Variants in CAMTA1 observed in about 807,000 individuals in gnomAD.
CAMTA1 encodes calmodulin binding transcription activator 1.
CAMTA1 carries 27 observed loss-of-function variants against 170.9 expected under a neutral mutation model. The ratio of observed to expected loss-of-function variants is 0.16; its 90% CI spans 0.12 to 0.22. The LOEUF (loss-of-function observed/expected upper bound fraction) is 0.22. Ranked by LOEUF, CAMTA1 falls within the 10% of genes least tolerant of loss-of-function variation. The pLI is 1.00. For synonymous variants in CAMTA1, 833 were observed against 891.5 expected (o/e 0.93, Z 1.17); for missense variants, 1,619 against 2,217.2 (o/e 0.73, Z 5.42).
rs1259536017 is a variant in CAMTA1, at chr1:7,532,439, G to A, written c.510+64538G>A. On this transcript the variant is annotated intron_variant, in intron 6 of 22. Transcript: ENST00000303635. This position sits in a 1 kb window ranked among gnomAD's most constrained non-coding sequence, Gnocchi z 4.2. The stretch of plus-strand genomic sequence containing the variant: ...GCCTCCCAAGTATCTGGGACTACAG[G>A]CACACACCCCTGTGCCCAGCTAATT... 6.6e-6 allele frequency among the ~76,000 whole-genome samples: 1 copy of A among 151,952 alleles called. No individual in the cohort carries two copies. Among genetic ancestry groups the A allele is most frequent in the Non-Finnish European group, 1.5e-5 (1 of 68,012 alleles).
intron 6 of CAMTA1, among the ~76,000 whole-genome samples, chr1:7,604,464 G>A (rs1237270190): frequency 6.6e-6 from 1 of 152,076 alleles, no homozygotes; most frequent in Non-Finnish European, 1.5e-5. Context: ...TCTTCCAGTT[G>A]ATCGAATCAG....
chr1:7,354,538 G>A (rs1371386229), intron 5 of CAMTA1, among the ~76,000 whole-genome samples: 2 of 152,222 alleles, frequency 1.3e-5, no homozygotes, highest in East Asian at 3.8e-4. Flanking sequence ...CAATGAACAT[G>A]TGTCTTTGCG....
chr1:7,079,697 T>C (rs930913277), intron 3 of CAMTA1, among the ~76,000 whole-genome samples: 1 of 151,590 alleles, frequency 6.6e-6, no homozygotes, highest in Non-Finnish European at 1.5e-5. Flanking sequence ...GGTCTCAAAC[T>C]CCTAACCTCA....
At chr1:6,855,552 C>T (rs761502693) in intron 3 of CAMTA1, among the ~76,000 whole-genome samples, 4 of 151,824 alleles carry the variant, frequency 2.6e-5, no homozygotes, top group African/African-American at 4.8e-5. Context: ...ACCAAAGGGA[C>T]GGTGCTAAGC....
intron 6 of CAMTA1, among the ~76,000 whole-genome samples, chr1:7,493,068 C>CACAA (rs1557806648): frequency 1.7e-5 from 2 of 119,542 alleles, no homozygotes; most frequent in East Asian, 2.2e-4. Context: ...CGCGCGCACA[C>CACAA]ACACAGACAT....
At chr1:7,572,515 T>A (rs750217164) in intron 6 of CAMTA1, among the ~76,000 whole-genome samples, 6 of 152,358 alleles carry the variant, frequency 3.9e-5, no homozygotes, top group African/African-American at 9.6e-5. Flanking sequence ...TTGATTTTTT[T>A]ATATGATATA....
intron 3 of CAMTA1, among the ~76,000 whole-genome samples, chr1:6,868,283 T>C (rs1667295012): frequency 6.8e-6 from 1 of 146,700 alleles, no homozygotes; most frequent in African/African-American, 2.5e-5. Flanking sequence ...CACTCTAGCC[T>C]GGGTGACAGA....
intron 5 of CAMTA1, among the ~76,000 whole-genome samples, chr1:7,275,888 G>A (rs2149427668): frequency 6.6e-6 from 1 of 152,118 alleles, no homozygotes; most frequent in Non-Finnish European, 1.5e-5. Flanking sequence ...CACTTGTCAG[G>A]TCATTTTATG....
At chr1:6,988,275 C>G (rs1444969902) in intron 3 of CAMTA1, among the ~76,000 whole-genome samples, 6 of 152,118 alleles carry the variant, frequency 3.9e-5, no homozygotes, top group African/African-American at 1.4e-4. Context: ...GGGCTTCCTT[C>G]CACTGCACAG....
chr1:7,124,546 C>T (rs1305661274), intron 4 of CAMTA1, among the ~76,000 whole-genome samples: 2 of 152,204 alleles, frequency 1.3e-5, no homozygotes, highest in African/African-American at 2.4e-5. Context: ...TCTATCTGCC[C>T]CTCGCTTGAC....
rs1187753125 is a variant in CAMTA1, at chr1:7,248,653, ATG to A, written c.303-835_303-834del. Among the ~76,000 whole-genome samples the A allele has an allele frequency of 6.6e-6, 1 of 151,660 alleles. No individual in the cohort carries two copies. Among genetic ancestry groups the A allele is most frequent in the Non-Finnish European group, 1.5e-5 (1 of 67,962 alleles). On this transcript the variant is annotated intron_variant, in intron 4 of 22. Transcript: ENST00000303635. This position sits in a 1 kb window ranked among gnomAD's most constrained non-coding sequence, Gnocchi z 4.0. Reference sequence around the variant, plus strand: ...CTCCTTGGGGTTTCCAAACCCAAATATGTGACCTGACCACCGCATCTGCAGAT... The same window carrying A: ...CTCCTTGGGGTTTCCAAACCCAAATATGACCTGACCACCGCATCTGCAGAT...
intron 2 of CAMTA1, among the ~76,000 whole-genome samples, chr1:6,821,258 A>G (rs1646456868): frequency 6.6e-6 from 1 of 152,250 alleles, no homozygotes; most frequent in African/African-American, 2.4e-5. Flanking sequence ...TTGGAAAAGA[A>G]TAATGCAAAA....
intron 11 of CAMTA1, chr1:7,700,567 A>G (rs1383757044): frequency 6.6e-6 from 1 of 152,210 alleles, no homozygotes; most frequent in Non-Finnish European, 1.5e-5. Flanking sequence ...TACAATTGCT[A>G]GGGAGGGCCC....
rs540047814 is a variant in CAMTA1, at chr1:7,574,922, C to A, written c.511-65478C>A. On this transcript the variant is annotated intron_variant, in intron 6 of 22. Transcript: ENST00000303635. ...ACCCCAGCCCAGTCCCAGAGCTCCA[C>A]CAGGGAAGGACGGACATGTCGACCA... Among the ~76,000 whole-genome samples, 20 of 152,338 alleles carry A rather than the reference C, an allele frequency of 1.3e-4. 1 individual carries two copies. The South Asian group carries it at 4.1e-3, about 32-fold the overall frequency.
At chr1:6,797,123 G>A (rs1241511732) in intron 1 of CAMTA1, among the ~76,000 whole-genome samples, 2 of 152,172 alleles carry the variant, frequency 1.3e-5, no homozygotes, top group African/African-American at 4.8e-5. Flanking sequence ...AGACTGGAGT[G>A]TAGTGGCGTG....
chr1:7,129,645 G>A (rs139109910), intron 4 of CAMTA1, among the ~76,000 whole-genome samples: 1 of 152,180 alleles, frequency 6.6e-6, no homozygotes, highest in African/African-American at 2.4e-5. Context: ...GTTTTATCAA[G>A]ATGTAATTGA....
At chr1:6,984,277 T>G (rs1001552883) in intron 3 of CAMTA1, among the ~76,000 whole-genome samples, 1 of 151,780 alleles carries the variant, frequency 6.6e-6, no homozygotes, top group Non-Finnish European at 1.5e-5. Context: ...GACTTCTGCA[T>G]TGTAAAAGTG....
chr1:7,196,032 G>A (rs568872933), intron 4 of CAMTA1, among the ~76,000 whole-genome samples: 1 of 152,002 alleles, frequency 6.6e-6, no homozygotes, highest in South Asian at 2.1e-4. Flanking sequence ...AAAAAAAAAT[G>A]TGTGATACAG....
chr1:6,886,363 T>A, intron 3 of CAMTA1: 1 of 437,804 alleles, frequency 2.3e-6, no homozygotes, highest in Non-Finnish European at 4.5e-6. Flanking sequence ...GACATTTGAT[T>A]GCCTTGAAAT....
Sources: gnomAD v4.1 joint callset for allele counts (sites outside exome capture counted in the v4.1 genomes callset) on GRCh38, gnomAD v4.1.1 for gene constraint, Gnocchi (gnomAD v3.1) non-coding constraint, MANE v1.5 for transcripts, NCBI Gene and HGNC (gene_info 2026-07-23, HGNC 2026-07-21) for gene names.